HM13: variants seen among roughly 807,000 people sequenced by gnomAD.
HM13 encodes signal peptide peptidase.
HM13 carries 18 observed loss-of-function variants against 50.0 expected under a neutral mutation model. The ratio of observed to expected loss-of-function variants is 0.36; its 90% confidence interval spans 0.25 to 0.53. The LOEUF (loss-of-function observed/expected upper bound fraction) is 0.53. Among genes scored for constraint, HM13 ranks in the 20% least tolerant of loss-of-function variants. HM13 has a pLI of 0.90. For synonymous variants in HM13, 197 were observed against 232.6 expected (o/e 0.85, Z 1.39); for missense variants, 393 against 552.4 (o/e 0.71, Z 2.89).
chr20:31,556,812 A>C (rs556183279), intron 8 of HM13, among the ~76,000 whole-genome samples: 1 of 152,170 alleles, frequency 6.6e-6, no homozygotes, highest in Admixed American at 6.5e-5. Flanking sequence ...TGAGGTCAGG[A>C]GATCGAGACC....
At chr20:31,554,681 C>CA (rs375749810) in intron 7 of HM13, 65 bp from the exon 8 acceptor site, 136,777 of 1,132,614 alleles carry the variant, frequency 0.12, 2 homozygotes, top group Non-Finnish European at 0.13. Flanking sequence ...GACTCCGTCT[C>CA]AAAAAAAAAA....
chr20:31,549,108 G>A lies in HM13; in HGVS notation c.534G>A (p.Leu178=). 4 of 1,614,010 alleles carry A rather than the reference G, an allele frequency of 2.5e-6. No individual in the cohort carries two copies. Among genetic ancestry groups the A allele is most frequent in the South Asian group, 2.2e-5 (2 of 91,070 alleles). ...LSSIVGVWYL[L]RKHWIANNLF... is the part of the protein sequence containing the mutation. ...GCATCGTTGGCGTCTGGTACCTGCT[G>A]AGGAAGGTGAGTAGTCAGGACCTGG... The change falls in exon 5 of 13, where the codon CTG becomes CTA. Residue 178 remains leucine, a synonymous_variant. Coordinates refer to ENST00000398174, the MANE Select transcript of HM13 (RefSeq NM_178581.3).
intron 2 of HM13, chr20:31,527,896 CT>C (rs79029117): frequency 0.045 from 7,561 of 166,840 alleles, 8 homozygotes; most frequent in Middle Eastern, 0.092. Context: ...TACTAATGGC[CT>C]TTTTTTTTTT....
intron 4 of HM13, chr20:31,547,316 G>T: frequency 3.6e-6 from 1 of 280,838 alleles, no homozygotes; most frequent in Non-Finnish European, 6.7e-6. Context: ...GTGGCGTTCA[G>T]AGAGCGGAAG....
At chr20:31,531,778 T>C (rs993152786) in intron 2 of HM13, among the ~76,000 whole-genome samples, 2 of 152,006 alleles carry the variant, frequency 1.3e-5, no homozygotes, top group Admixed American at 6.6e-5. Flanking sequence ...CTGGGCAACA[T>C]AGCAAGACCC....
chr20:31,560,688 C>T (rs1984552277), intron 9 of HM13, among the ~76,000 whole-genome samples: 1 of 152,256 alleles, frequency 6.6e-6, no homozygotes, highest in South Asian at 2.1e-4. Context: ...CCAGCACCCT[C>T]AGAGACAGAG....
chr20:31,549,186 C>G (rs765963042), intron 5 of HM13, 21 bp from the exon 6 acceptor site: 30 of 1,614,070 alleles, frequency 1.9e-5, no homozygotes, highest in Non-Finnish European at 2.5e-5. Context: ...GCAAGCTGGT[C>G]TCACTCCCCG....
At chr20:31,518,728 T>C (rs1158891185) in intron 1 of HM13, among the ~76,000 whole-genome samples, 2 of 152,042 alleles carry the variant, frequency 1.3e-5, no homozygotes, top group South Asian at 2.1e-4. Flanking sequence ...CATGATGGCA[T>C]GCACCTGTAG....
At chr20:31,534,475 A>T (rs1982999037) in intron 2 of HM13, among the ~76,000 whole-genome samples, 1 of 152,108 alleles carries the variant, frequency 6.6e-6, no homozygotes, top group Non-Finnish European at 1.5e-5. Context: ...TTTGAATGGT[A>T]TTAGGTCATA....
chr20:31,558,728 G>T lies in HM13; in HGVS notation c.809-883G>T, dbSNP rs371595868. Among the ~76,000 whole-genome samples, 6 of 151,810 alleles carry T rather than the reference G, an allele frequency of 4.0e-5. No individual in the cohort carries two copies. In the East Asian group the frequency reaches 1.2e-3, roughly 29 times the overall value. On this transcript the variant is annotated intron_variant, in intron 8 of 12. Coordinates refer to ENST00000398174, the MANE Select transcript of HM13 (RefSeq NM_178581.3). ...ACTGCCATGCCCAGCTCATTTTGGGGTTTTTTGTATTTTGAGACAGAGTCT... is the reference window on the plus strand; with the variant it reads ...ACTGCCATGCCCAGCTCATTTTGGGTTTTTTTGTATTTTGAGACAGAGTCT...
chr20:31,543,157 A>G (rs539252351), intron 3 of HM13, among the ~76,000 whole-genome samples: 17 of 152,214 alleles, frequency 1.1e-4, no homozygotes, highest in Non-Finnish European at 2.2e-4. Flanking sequence ...GTGGGAGCCC[A>G]TTTCCGATTC....
intron 1 of HM13, among the ~76,000 whole-genome samples, chr20:31,525,759 CAAAAAAAA>C (rs111873600): frequency 1.5e-5 from 2 of 137,090 alleles, no homozygotes; most frequent in African/African-American, 5.4e-5. Flanking sequence ...AAATTTATAC[CAAAAAAAA>C]AAGAAAAAAA....
chr20:31,526,218 G>A (rs1982485371), intron 1 of HM13, among the ~76,000 whole-genome samples: 1 of 150,490 alleles, frequency 6.6e-6, no homozygotes, highest in Admixed American at 6.6e-5. Flanking sequence ...GTGTTCAGTT[G>A]TGCGATCTCA....
In HM13 at chr20:31,514,823, C is replaced by A; in HGVS notation, c.183+89C>A. 8.2e-7 allele frequency: 1 copy of A among 1,219,564 alleles called. No individual in the cohort carries two copies. Among genetic ancestry groups the A allele is most frequent in the Non-Finnish European group, 1.1e-6 (1 of 900,022 alleles). The allele number at this position is 1,219,564 out of a possible 1,614,324, so 75.5% of individuals were successfully genotyped here. On this transcript the variant is annotated intron_variant, in intron 1 of 12. Transcript: ENST00000398174. This position sits in a 1 kb window ranked among gnomAD's most constrained non-coding sequence, Gnocchi z 4.3. ...TTCCTAGGCGGGACAGACACCTCTCCCCGGACACTGACTCTTCCCAGCCCT... is the reference window on the plus strand; with the variant it reads ...TTCCTAGGCGGGACAGACACCTCTCACCGGACACTGACTCTTCCCAGCCCT...
At chr20:31,523,290 G>A (rs1982290913) in intron 1 of HM13, among the ~76,000 whole-genome samples, 2 of 139,684 alleles carry the variant, frequency 1.4e-5, no homozygotes. Flanking sequence ...TTGAGACAGA[G>A]TCTCGCTGTC....
intron 2 of HM13, chr20:31,527,898 T>A: frequency 1.2e-5 from 2 of 172,070 alleles, no homozygotes; most frequent in Non-Finnish European, 2.4e-5. Context: ...CTAATGGCCT[T>A]TTTTTTTTTT....
chr20:31,537,656 G>A (rs6088505), intron 2 of HM13, among the ~76,000 whole-genome samples: 1 of 152,226 alleles, frequency 6.6e-6, no homozygotes, highest in Admixed American at 6.5e-5. Flanking sequence ...GCAGCTGTCA[G>A]GGATGCTGTC....
chr20:31,561,585 C>A, intron 9 of HM13, 49 bp from the exon 10 acceptor site: 2 of 1,263,774 alleles, frequency 1.6e-6, no homozygotes, highest in South Asian at 1.2e-5. Context: ...ATTACTAGTT[C>A]AGTCCCTATA....
At chr20:31,552,718 G>A (rs765506973) in intron 7 of HM13, among the ~76,000 whole-genome samples, 2 of 152,170 alleles carry the variant, frequency 1.3e-5, no homozygotes, top group Non-Finnish European at 2.9e-5. Context: ...GTAAAATGGT[G>A]ACAATAGTCT....
Sources: allele counts gnomAD v4.1 joint callset (sites outside exome capture counted in the v4.1 genomes callset), GRCh38; gene constraint gnomAD v4.1.1; non-coding constraint Gnocchi (gnomAD v3.1); transcripts MANE v1.5; gene names NCBI Gene and HGNC (gene_info 2026-07-23, HGNC 2026-07-21).